ATP2A1: variants seen among roughly 807,000 people sequenced by gnomAD.
ATP2A1 encodes the protein sarcoplasmic/endoplasmic reticulum calcium ATPase 1.
ATP2A1 carries 83 observed loss-of-function variants against 109.5 expected under a neutral mutation model. That is an observed-to-expected ratio of 0.76 (90% confidence interval 0.63 to 0.91). The LOEUF is 0.91. Ranked by LOEUF, ATP2A1 falls within the 40% of genes least tolerant of loss-of-function variation. ATP2A1 has a pLI of 0.00. For missense variants in ATP2A1, 1,101 were observed against 1,341.0 expected, an observed-to-expected ratio of 0.82 and a Z score of 2.80; for synonymous variants, 505 against 537.6, an observed-to-expected ratio of 0.94 and a Z score of 0.84.
chr16:28,887,761 C>G (rs781256551), intron 8 of ATP2A1, 39 bp downstream of exon 8: 1 of 1,604,532 alleles, frequency 6.2e-7, no homozygotes, highest in Admixed American at 1.7e-5. Flanking sequence ...TTTGCTAATC[C>G]CATCTGCAAA....
chr16:28,902,026 A>G lies in ATP2A1; in HGVS notation c.2264A>G (p.Asn755Ser), dbSNP rs762111433. 6.2e-7 allele frequency: 1 copy of G among 1,614,224 alleles called. No homozygotes were observed. Among genetic ancestry groups the G allele is most frequent in the Non-Finnish European group, 8.5e-7 (1 of 1,180,048 alleles). The change falls in exon 16 of 23, where the codon AAC becomes AGC. Residue 755 changes from asparagine (N) to serine (S), a missense_variant. Coordinates refer to ENST00000395503, the MANE Select transcript of ATP2A1 (RefSeq NM_004320.6). This position sits in a 1 kb window ranked among gnomAD's most constrained non-coding sequence, Gnocchi z 4.8. ...GTGGAGGAGGGCCGCGCCATCTACA[A>G]CAACATGAAGCAGTTCATCCGCTAC... is the stretch of plus-strand genomic sequence containing the variant. ...AAVEEGRAIY[N>S]NMKQFIRYLI...
chr16:28,879,706 CG>C, intron 3 of ATP2A1, 123 bp downstream of exon 3: 1 of 1,155,698 alleles, frequency 8.7e-7, no homozygotes. Flanking sequence ...ACAGACGGGG[CG>C]GGCTGGCGCG....
At chr16:28,889,865 C>T (rs915223892) in intron 9 of ATP2A1, among the ~76,000 whole-genome samples, 5 of 152,140 alleles carry the variant, frequency 3.3e-5, no homozygotes, top group African/African-American at 7.2e-5. Context: ...TAAAACAGGC[C>T]AGGTGCAATG....
chr16:28,879,906 CG>C, intron 3 of ATP2A1: 1 of 779,092 alleles, frequency 1.3e-6, no homozygotes, highest in Non-Finnish European at 1.6e-6. Flanking sequence ...ATGCCGGCTG[CG>C]GCGCGGGGGG....
intron 9 of ATP2A1, 137 bp from the exon 10 acceptor site, chr16:28,894,018 G>A (rs917590113): frequency 1.3e-5 from 9 of 697,650 alleles, no homozygotes; most frequent in Middle Eastern, 3.0e-4. Context: ...TAGGGTATAC[G>A]GGGGGGATGA....
Position 28,880,372 on chromosome 16 carries a change from C to A in ATP2A1, c.220-543C>A, listed in dbSNP as rs938927252. Among the ~76,000 whole-genome samples the A allele has an allele frequency of 6.6e-6, 1 of 152,258 alleles. No individual in the cohort carries two copies. Among genetic ancestry groups the A allele is most frequent in the Non-Finnish European group, 1.5e-5 (1 of 68,050 alleles). The stretch of plus-strand genomic sequence containing the variant: ...TTAAGCACAAGCTGGCAGGGCCTCT[C>A]CTCTCCCTTCTCAGATTTGCTCCTT... On this transcript the variant is annotated intron_variant, in intron 3 of 22. Transcript: ENST00000395503. This position sits in a 1 kb window ranked among gnomAD's most constrained non-coding sequence, Gnocchi z 4.2.
At position 28,902,128 on chromosome 16, in the gene ATP2A1, G is replaced by T. The variant is rs1596686929; in HGVS notation, c.2321+45G>T. ...TCCAGGAGGAAGCCGGGGTTAGGGT[G>T]GGGTGGCTGCAGGTCTGGGAGGCAG... On this transcript the variant is annotated intron_variant, in intron 16 of 22. Coordinates refer to ENST00000395503, the MANE Select transcript of ATP2A1 (RefSeq NM_004320.6). This position sits in a 1 kb window ranked among gnomAD's most constrained non-coding sequence, Gnocchi z 4.8. The T allele has an allele frequency of 1.1e-5, 18 of 1,613,860 alleles. No homozygotes were observed. In the Middle Eastern group the frequency reaches 6.6e-4, roughly 59 times the overall value.
rs1406105826 is a variant in ATP2A1 at position 28,888,768 on chromosome 16, C to T, written c.929-19C>T. On this transcript the variant is annotated intron_variant, in intron 8 of 22. Transcript: ENST00000395503. ...CCTCCCCTTGCAGGTTCCCTCACACCCTCCCTCCCTCCCCACAGGTCTTCC... is the reference window on the plus strand; with the variant it reads ...CCTCCCCTTGCAGGTTCCCTCACACTCTCCCTCCCTCCCCACAGGTCTTCC... The T allele has an allele frequency of 6.2e-7, 1 of 1,602,118 alleles. No individual in the cohort carries two copies. Among genetic ancestry groups the T allele is most frequent in the Non-Finnish European group, 8.5e-7 (1 of 1,171,854 alleles).
Position 28,887,612 on chromosome 16 carries a change from T to A in ATP2A1, c.818T>A (p.Leu273His), listed in dbSNP as rs754159640. 2.5e-6 allele frequency: 4 copies of A among 1,614,144 alleles called. No individual in the cohort carries two copies. The South Asian group carries it at 4.4e-5, about 18-fold the overall frequency. The change falls in exon 8 of 23, where the codon CTT becomes CAT. Residue 273 changes from leucine (L) to histidine (H), a missense_variant. Transcript: ENST00000395503. ...TCCCTCATCTGTGTGGCTGTCTGGC[T>A]TATCAACATTGGCCACTTCAACGAC... ...VISLICVAVW[L>H]INIGHFNDPV... is the part of the protein sequence containing the mutation.
rs546622595 is a variant in ATP2A1 at position 28,881,108 on chromosome 16, C to G, written c.324+89C>G. 6 of 1,299,784 alleles carry G rather than the reference C, an allele frequency of 4.6e-6. No homozygotes were observed. In the African/African-American group the frequency reaches 8.7e-5, roughly 19 times the overall value. 80.5% of individuals were successfully genotyped at this position (1,299,784 alleles called of 1,614,324 possible). ...CCAGTCTCCTCCTCCTCCATCACCT[C>G]CCCCATACTTGCCTCTTCCTCTGGT... is the stretch of plus-strand genomic sequence containing the variant. On this transcript the variant is annotated intron_variant, in intron 4 of 22. Coordinates refer to ENST00000395503, the MANE Select transcript of ATP2A1 (RefSeq NM_004320.6).
At position 28,881,799 on chromosome 16, in the gene ATP2A1, C is replaced by T. The variant is rs1596663312; in HGVS notation, c.325-652C>T. On this transcript the variant is annotated intron_variant, in intron 4 of 22. Transcript: ENST00000395503. ...CATGGGCAACAGAGTGAGACCCAGTCTCAAAAAAAAAAAAAAGAGAGAAAT... is the reference window on the plus strand; with the variant it reads ...CATGGGCAACAGAGTGAGACCCAGTTTCAAAAAAAAAAAAAAGAGAGAAAT... 7.1e-5 allele frequency among the ~76,000 whole-genome samples: 9 copies of T among 126,256 alleles called. No individual in the cohort carries two copies. The South Asian group carries it at 2.2e-3, about 30-fold the overall frequency. 82.8% of individuals were successfully genotyped at this position (126,256 alleles called of 152,430 possible).
Position 28,903,768 on chromosome 16 carries a change from C to T in ATP2A1, c.*37+27C>T. On this transcript the variant is annotated intron_variant, in intron 22 of 22. Coordinates refer to ENST00000395503, the MANE Select transcript of ATP2A1 (RefSeq NM_004320.6). This position sits in a 1 kb window ranked among gnomAD's most constrained non-coding sequence, Gnocchi z 5.6. ...TATCACCCCCTTCTTGCCCTCAGCC[C>T]AGCTGCTGTGCCCCTGCCACCCGCG... is the stretch of plus-strand genomic sequence containing the variant. The T allele has an allele frequency of 6.2e-7, 1 of 1,608,948 alleles. No homozygotes were observed. Among genetic ancestry groups the T allele is most frequent in the Admixed American group, 1.7e-5 (1 of 60,008 alleles).
Position 28,900,596 on chromosome 16 carries a change from G to A in ATP2A1, c.1780G>A (p.Val594Met), listed in dbSNP as rs142091964. Residue 594 changes from valine (V) to methionine (M), a missense_variant, in exon 15 of 23, where the codon GTG becomes ATG. Coordinates refer to ENST00000395503, the MANE Select transcript of ATP2A1 (RefSeq NM_004320.6). ...ATCTCCCCAGACGGACCTGACATTC[G>A]TGGGTGTAGTGGGCATGCTGGACCC... ...FLEYETDLTF[V>M]GVVGMLDPPR... 80 of 1,567,794 alleles carry A rather than the reference G, an allele frequency of 5.1e-5. No homozygotes were observed. Among genetic ancestry groups the A allele is most frequent in the Non-Finnish European group, 5.1e-5 (59 of 1,153,206 alleles).
At chr16:28,884,066 G>A (rs576253576) in intron 5 of ATP2A1, among the ~76,000 whole-genome samples, 4 of 152,074 alleles carry the variant, frequency 2.6e-5, no homozygotes, top group Non-Finnish European at 5.9e-5. Flanking sequence ...TTCCCTGGCT[G>A]TCCACTTCAT....
chr16:28,880,774 C>A lies in ATP2A1; in HGVS notation c.220-141C>A. The A allele has an allele frequency of 1.3e-6, 1 of 794,800 alleles. No homozygotes were observed. The highest frequency in any genetic ancestry group is 2.2e-6 in the Non-Finnish European group (1 of 458,752). 49.2% of individuals were successfully genotyped at this position (794,800 alleles called of 1,614,324 possible). Reference sequence around the variant, plus strand: ...ACAGACCCTCAGACGGATGTGGGGCCACAGCGCCCCGACGGTGCCCGGCCC... The same window carrying A: ...ACAGACCCTCAGACGGATGTGGGGCAACAGCGCCCCGACGGTGCCCGGCCC... On this transcript the variant is annotated intron_variant, in intron 3 of 22. Coordinates refer to ENST00000395503, the MANE Select transcript of ATP2A1 (RefSeq NM_004320.6). This position sits in a 1 kb window ranked among gnomAD's most constrained non-coding sequence, Gnocchi z 4.2.
intron 9 of ATP2A1, among the ~76,000 whole-genome samples, chr16:28,891,439 C>T (rs1488039679): frequency 6.7e-6 from 1 of 149,308 alleles, no homozygotes; most frequent in Non-Finnish European, 1.5e-5. Context: ...TACTAAAATA[C>T]AAAATTAGCT....
chr16:28,901,760 C>T (rs1964080243), intron 15 of ATP2A1, 103 bp from the exon 16 acceptor site: 1 of 1,066,204 alleles, frequency 9.4e-7, no homozygotes, highest in Admixed American at 2.0e-5. Context: ...AGTTCAAGAC[C>T]AGCCTGGGCA....
In ATP2A1 at chr16:28,903,165, C is replaced by A; in HGVS notation, c.2862+18C>A. The A allele has an allele frequency of 6.2e-7, 1 of 1,612,304 alleles. No homozygotes were observed. Among genetic ancestry groups the A allele is most frequent in the Non-Finnish European group, 8.5e-7 (1 of 1,178,944 alleles). ...CCCTGCCGGTGAGGTTTCTTCCGCC[C>A]AGGGCCGCCCACCCCAGCACTGGGG... On this transcript the variant is annotated intron_variant, in intron 20 of 22. Coordinates refer to ENST00000395503, the MANE Select transcript of ATP2A1 (RefSeq NM_004320.6). The surrounding 1 kb of genome is among the most constrained non-coding windows in gnomAD (Gnocchi z 5.6).
chr16:28,888,766 A>ACCCT (rs1393011166), intron 8 of ATP2A1, 21 bp from the exon 9 acceptor site: 2 of 1,600,420 alleles, frequency 1.2e-6, no homozygotes, highest in Admixed American at 3.4e-5. Flanking sequence ...GTTCCCTCAC[A>ACCCT]CCCTCCCTCC....
Sources: allele counts gnomAD v4.1 joint callset (sites outside exome capture counted in the v4.1 genomes callset), GRCh38; gene constraint gnomAD v4.1.1; non-coding constraint Gnocchi (gnomAD v3.1); transcripts MANE v1.5; gene names NCBI Gene and HGNC (gene_info 2026-07-23, HGNC 2026-07-21).